Variants in RBM39 observed in about 807,000 individuals in gnomAD.
The protein encoded by RBM39 is RNA-binding protein 39.
Under a neutral mutation model 79.6 loss-of-function variants are expected in RBM39, and 12 were observed. The ratio of observed to expected loss-of-function variants is 0.15; its 90% confidence interval spans 0.10 to 0.24. The LOEUF (loss-of-function observed/expected upper bound fraction) is 0.24. RBM39 is among the 10% of genes least tolerant of loss of function. The pLI, the probability that RBM39 is intolerant of heterozygous loss-of-function variation, is 1.00. For missense variants in RBM39, 243 were observed against 653.4 expected (o/e 0.37, Z 6.85); for synonymous variants, 185 against 208.4 (o/e 0.89, Z 0.97).
intron 14 of RBM39, among the ~76,000 whole-genome samples, chr20:35,706,590 G>A (rs377507912): frequency 6.6e-6 from 1 of 152,090 alleles, no homozygotes; most frequent in East Asian, 1.9e-4. Context: ...TTAAAAAATA[G>A]CATTCTAATC....
intron 4 of RBM39, 56 bp downstream of exon 4, chr20:35,731,885 C>T: frequency 6.9e-7 from 1 of 1,440,904 alleles, no homozygotes; most frequent in South Asian, 1.2e-5. Flanking sequence ...GTTAAACTGC[C>T]ATCTGAATAC....
intron 9 of RBM39, among the ~76,000 whole-genome samples, chr20:35,718,904 T>G (rs985607074): frequency 6.6e-6 from 1 of 150,436 alleles, no homozygotes; most frequent in African/African-American, 2.5e-5. Context: ...TGCTTGAACC[T>G]GGGAGGCAGA....
chr20:35,739,045 T>C (rs1490477210), intron 2 of RBM39, 28 bp from the exon 3 acceptor site: 3 of 1,580,076 alleles, frequency 1.9e-6, no homozygotes, highest in Non-Finnish European at 1.7e-6. Flanking sequence ...AAGAACATCA[T>C]GAGGACGAAG....
intron 14 of RBM39, among the ~76,000 whole-genome samples, chr20:35,705,928 G>A (rs372736096): frequency 6.6e-6 from 1 of 152,134 alleles, no homozygotes; most frequent in Non-Finnish European, 1.5e-5. Flanking sequence ...TGGGCCAGGC[G>A]CAGCAGCTCA....
chr20:35,716,711 TA>T, intron 10 of RBM39, 28 bp downstream of exon 10: 1 of 1,313,630 alleles, frequency 7.6e-7, no homozygotes, highest in Non-Finnish European at 1.1e-6. Flanking sequence ...AAAAAAACCC[TA>T]AGTAATATAA....
At chr20:35,709,024 A>AT (rs757239402) in intron 13 of RBM39, 200 bp downstream of exon 13, 84 of 449,662 alleles carry the variant, frequency 1.9e-4, no homozygotes, top group African/African-American at 3.9e-4. Context: ...TGTTATTTTG[A>AT]TTTTTTTTAA....
At chr20:35,727,486 C>CA (rs902761849) in intron 6 of RBM39, among the ~76,000 whole-genome samples, 1 of 149,584 alleles carries the variant, frequency 6.7e-6, no homozygotes, top group Non-Finnish European at 1.5e-5. Flanking sequence ...ATACAGTTCC[C>CA]TTTTTTTTTG....
At chr20:35,728,629 T>A (rs772126418) in intron 6 of RBM39, among the ~76,000 whole-genome samples, 1 of 151,726 alleles carries the variant, frequency 6.6e-6, no homozygotes, top group Non-Finnish European at 1.5e-5. Flanking sequence ...ATACAAAAAT[T>A]TGCCGGGCAT....
chr20:35,737,282 C>T (rs371071115), intron 3 of RBM39, among the ~76,000 whole-genome samples: 17 of 150,126 alleles, frequency 1.1e-4, no homozygotes, highest in Admixed American at 3.3e-4. Flanking sequence ...CCCAGCTGCT[C>T]GGGAGGCTGA....
At chr20:35,741,372 A>G (rs1026235568) in intron 1 of RBM39, 4 of 153,904 alleles carry the variant, frequency 2.6e-5, no homozygotes, top group Non-Finnish European at 5.8e-5. Context: ...TTTTCTTCTC[A>G]GCCGACACAC....
At chr20:35,721,993 G>T in intron 8 of RBM39, 116 bp from the exon 9 acceptor site, 3 of 1,201,928 alleles carry the variant, frequency 2.5e-6, no homozygotes, top group South Asian at 2.9e-5. Context: ...ACTACCCTAC[G>T]TAAGTCAGAT....
At chr20:35,731,660 C>G in intron 4 of RBM39, 2 of 445,218 alleles carry the variant, frequency 4.5e-6, no homozygotes, top group Non-Finnish European at 8.1e-6. Flanking sequence ...TTCAAGCACT[C>G]TAGTGCTTTC....
At chr20:35,729,829 A>G (rs1272991765) in intron 4 of RBM39, among the ~76,000 whole-genome samples, 2 of 85,690 alleles carry the variant, frequency 2.3e-5, no homozygotes, top group African/African-American at 7.6e-5. Context: ...ATATATATAT[A>G]CAGTCTTGAG....
intron 13 of RBM39, among the ~76,000 whole-genome samples, chr20:35,708,152 A>G (rs926872681): frequency 7.2e-5 from 11 of 152,040 alleles, no homozygotes; most frequent in African/African-American, 2.2e-4. Context: ...TCTGTAACAT[A>G]TAAGTTTTTT....
Position 35,729,366 on chromosome 20 carries a change from C to A in RBM39, c.363-1G>T. The stretch of plus-strand genomic sequence containing the variant: ...ACTTTTGCTTCGGGAACGTCGTCTG[C>A]TGCAAAGTTAAAAAGTTTCAGAAGT... On this transcript the variant is annotated splice_acceptor_variant, in intron 5 of 16. Transcript: ENST00000253363. LOFTEE classifies it high-confidence loss of function. 1 of 1,606,360 alleles carries A rather than the reference C, an allele frequency of 6.2e-7. No individual in the cohort carries two copies. The highest frequency in any genetic ancestry group is 8.5e-7 in the Non-Finnish European group (1 of 1,178,322).
intron 3 of RBM39, among the ~76,000 whole-genome samples, chr20:35,735,854 C>T (rs2425117): frequency 0.19 from 28,430 of 152,078 alleles, 3,056 homozygotes; most frequent in African/African-American, 0.31. Flanking sequence ...TGTCCATTCT[C>T]CTATTTAGTC....
chr20:35,716,694 T>TAAA (rs79003465), intron 10 of RBM39, 46 bp downstream of exon 10: 33 of 976,944 alleles, frequency 3.4e-5, no homozygotes, highest in East Asian at 6.3e-5. Context: ...AAATGTAGTT[T>TAAA]AAAAAAAAAA....
intron 11 of RBM39, 75 bp from the exon 12 acceptor site, chr20:35,713,171 T>C (rs1490297416): frequency 3.2e-6 from 4 of 1,263,370 alleles, no homozygotes; most frequent in Non-Finnish European, 3.4e-6. Context: ...ATTAATATCA[T>C]GATCACTTCA....
Position 35,741,030 on chromosome 20 carries a change from CTTTTTT to C in RBM39, c.-13-149_-13-144del, listed in dbSNP as rs572102658. 5.7e-3 allele frequency: 719 copies of C among 126,930 alleles called. 1 individual carries two copies. Among genetic ancestry groups the C allele is most frequent in the South Asian group, 9.9e-3 (151 of 15,184 alleles). 7.9% of individuals were successfully genotyped at this position (126,930 alleles called of 1,614,324 possible). ...GACGATTCCGTGAGTAAACATTTTT[CTTTTTT>C]TTTTTTTTTTTTTTTGAGACGGAGT... On this transcript the variant is annotated intron_variant, in intron 1 of 16. Coordinates refer to ENST00000253363, the MANE Select transcript of RBM39 (RefSeq NM_184234.3).
Sources: allele counts gnomAD v4.1 joint callset (sites outside exome capture counted in the v4.1 genomes callset), GRCh38; gene constraint gnomAD v4.1.1; transcripts MANE v1.5; gene names NCBI Gene and HGNC (gene_info 2026-07-23, HGNC 2026-07-21).